SH2B1: variants seen among roughly 807,000 people sequenced by gnomAD.
SH2B1 encodes the protein SH2B adapter protein 1.
SH2B1 carries 15 observed loss-of-function variants against 62.6 expected under a neutral mutation model. The ratio of observed to expected loss-of-function variants is 0.24; its 90% CI spans 0.16 to 0.37. The LOEUF (loss-of-function observed/expected upper bound fraction) is 0.37, where lower values mean the gene tolerates loss of function less well. Ranked by LOEUF, SH2B1 falls within the 10% of genes least tolerant of loss-of-function variation. The pLI is 1.00. For synonymous variants in SH2B1, 443 were observed against 438.0 expected, an observed-to-expected ratio of 1.01 and a Z score of -0.14; for missense variants, 925 against 1,015.6, an observed-to-expected ratio of 0.91 and a Z score of 1.21.
chr16:28,864,395 T>C lies in SH2B1; in HGVS notation c.-1700T>C. ...TGCGGTGCGGAGGATTGGGTGGGCC[T>C]GTGTGAGCCGAGGTGGCCGCTGGCT... On this transcript the variant is annotated 5_prime_UTR_variant, in exon 1 of 8. Transcript: ENST00000684370. 1 of 987,364 alleles carries C rather than the reference T, an allele frequency of 1.0e-6. No individual in the cohort carries two copies. Among genetic ancestry groups the C allele is most frequent in the Non-Finnish European group, 1.2e-6 (1 of 830,990 alleles). 61.2% of individuals were successfully genotyped at this position (987,364 alleles called of 1,614,324 possible).
chr16:28,855,582 A>G (rs1003139344), intron 1 of SH2B1, among the ~76,000 whole-genome samples: 1 of 150,650 alleles, frequency 6.6e-6, no homozygotes, highest in Non-Finnish European at 1.5e-5. Context: ...TTATCTTACT[A>G]TTTTGCTTGT....
chr16:28,861,437 A>G (rs528244876), upstream of SH2B1, among the ~76,000 whole-genome samples: 2 of 123,968 alleles, frequency 1.6e-5, no homozygotes, highest in Non-Finnish European at 3.4e-5. Context: ...CCATCTTAGA[A>G]CATTTTTTTT....
intron 4 of SH2B1, among the ~76,000 whole-genome samples, chr16:28,870,772 C>A (rs1596630106): frequency 6.6e-6 from 1 of 152,062 alleles, no homozygotes; most frequent in Non-Finnish European, 1.5e-5. Context: ...CAGCCTTGAC[C>A]TCCCTGGCTC....
intron 1 of SH2B1, among the ~76,000 whole-genome samples, chr16:28,857,274 C>T (rs868738455): frequency 1.4e-4 from 21 of 148,056 alleles, no homozygotes; most frequent in Middle Eastern, 3.4e-3. Context: ...CAGAGTGACT[C>T]TGTCTCAAAA....
Position 28,872,313 on chromosome 16 carries a change from C to T in SH2B1, c.1637C>T (p.Thr546Ile), listed in dbSNP as rs764546280. 10 of 1,613,994 alleles carry T rather than the reference C, an allele frequency of 6.2e-6. No individual in the cohort carries two copies. Among genetic ancestry groups the T allele is most frequent in the Non-Finnish European group, 7.6e-6 (9 of 1,179,880 alleles). ...KAAQLVLTGGTGSHGVFLVRQ... is the reference protein window; with the variant it reads ...KAAQLVLTGGIGSHGVFLVRQ... ...GCACAGTTGGTGCTGACTGGCGGCACTGGCTCCCACGGTGTCTTCCTGGTG... is the reference window on the plus strand; with the variant it reads ...GCACAGTTGGTGCTGACTGGCGGCATTGGCTCCCACGGTGTCTTCCTGGTG... Residue 546 changes from threonine to isoleucine, a missense_variant, in exon 6 of 8, where the codon ACT (threonine) becomes ATT (isoleucine). Thr to Ile is a moderately conservative substitution (Grantham distance 89). Around this residue, in one of 3 missense-constraint regions of SH2B1, gnomAD observed 57 missense variants for 122.1 expected, o/e 0.47. Transcript: ENST00000684370. This position sits in a 1 kb window ranked among gnomAD's most constrained non-coding sequence, Gnocchi z 5.3.
intron 4 of SH2B1, among the ~76,000 whole-genome samples, 167 bp from the exon 5 acceptor site, chr16:28,871,613 A>G (rs1963040622): frequency 6.6e-6 from 1 of 152,164 alleles, no homozygotes; most frequent in South Asian, 2.1e-4. Context: ...AGGAAGCATC[A>G]GTTAGGAGCC....
chr16:28,865,588 A>G lies in SH2B1; in HGVS notation c.-507A>G. 1.0e-6 allele frequency: 1 copy of G among 985,930 alleles called. No individual in the cohort carries two copies. Among genetic ancestry groups the G allele is most frequent in the African/African-American group, 1.7e-5 (1 of 57,386 alleles). 61.1% of individuals were successfully genotyped at this position (985,930 alleles called of 1,614,324 possible). A position where few individuals can be genotyped will look rare whatever the true frequency, so the allele number is the denominator to read the frequency against. On this transcript the variant is annotated 5_prime_UTR_variant, in exon 1 of 8. Transcript: ENST00000684370. ...AACTTTTCTGAGCTTCGGTTTCCTC[A>G]TCTGTTCGAGAGGTCTTTGAAACCT...
At chr16:28,856,614 G>C (rs987415382) in intron 1 of SH2B1, among the ~76,000 whole-genome samples, 4 of 152,116 alleles carry the variant, frequency 2.6e-5, no homozygotes, top group Non-Finnish European at 4.4e-5. Flanking sequence ...CAGGAACTTA[G>C]TGGCACATTA....
rs370851725 is a variant in SH2B1 at position 28,872,221 on chromosome 16, C to T, written c.1545C>T (p.Gly515=). The change falls in exon 6 of 8, where the codon GGC becomes GGT. Residue 515 remains glycine, a synonymous_variant. Coordinates refer to ENST00000684370, the MANE Select transcript of SH2B1 (RefSeq NM_001387430.1). This position sits in a 1 kb window ranked among gnomAD's most constrained non-coding sequence, Gnocchi z 5.3. ...TCCTGTTCCAGGGGGAGCCAGAGGGCGGTGAGGGGGACCAGCCCCTCTCAG... is the reference window on the plus strand; with the variant it reads ...TCCTGTTCCAGGGGGAGCCAGAGGGTGGTGAGGGGGACCAGCCCCTCTCAG... ...GSFLFQGEPE[G]GEGDQPLSGY... 9.9e-6 allele frequency: 16 copies of T among 1,613,578 alleles called. No homozygotes were observed. The highest frequency in any genetic ancestry group is 3.3e-5 in the South Asian group (3 of 91,060).
chr16:28,848,165 G>C (rs1189421039), intron 1 of SH2B1, among the ~76,000 whole-genome samples: 1 of 151,942 alleles, frequency 6.6e-6, no homozygotes, highest in South Asian at 2.1e-4. Context: ...TTGGCCAGGC[G>C]TGGTGGCTCA....
intron 1 of SH2B1, among the ~76,000 whole-genome samples, chr16:28,852,293 TATATATTTAC>T (rs1179558878): frequency 4.3e-5 from 4 of 93,350 alleles, no homozygotes; most frequent in African/African-American, 1.8e-4. Flanking sequence ...TATTTACATA[TATATATTTAC>T]ATATATATAT....
rs1355653845 is a variant in SH2B1 at position 28,866,154 on chromosome 16, A to G, written c.60A>G (p.Pro20=). ...CCCCCTCGTCTCCCCCGCTGCCCCC[A>G]CCCCCGCCCCCTAGTTGGCGGGAGT... ...GASPSSPPLP[P]PPPPSWREFC... The change falls in exon 1 of 8, where the codon CCA becomes CCG. Residue 20 remains proline (P), a synonymous_variant. Transcript: ENST00000684370. The surrounding 1 kb of genome is among the most constrained non-coding windows in gnomAD (Gnocchi z 6.3). 2.1e-6 allele frequency: 2 copies of G among 960,446 alleles called. No homozygotes were observed. Among genetic ancestry groups the G allele is most frequent in the African/African-American group, 2.7e-5 (1 of 37,518 alleles). 59.5% of individuals were successfully genotyped at this position (960,446 alleles called of 1,614,324 possible). A position where few individuals can be genotyped will look rare whatever the true frequency, so the allele number is the denominator to read the frequency against.
chr16:28,872,196 T>C lies in SH2B1; in HGVS notation c.1520T>C (p.Phe507Ser), dbSNP rs767866293. The C allele has an allele frequency of 6.2e-7, 1 of 1,612,932 alleles. No individual in the cohort carries two copies. Among genetic ancestry groups the C allele is most frequent in the East Asian group, 2.2e-5 (1 of 44,852 alleles). ...LDTPETATGSFLFQGEPEGGE... is the reference protein window; with the variant it reads ...LDTPETATGSSLFQGEPEGGE... ...CCCTCTCTCCTTCCTGAAGGGTCCT[T>C]CCTGTTCCAGGGGGAGCCAGAGGGC... is the stretch of plus-strand genomic sequence containing the variant. The change falls in exon 6 of 8, where the codon TTC (phenylalanine) becomes TCC (serine). Residue 507 changes from phenylalanine (F) to serine (S), a missense_variant. Coordinates refer to ENST00000684370, the MANE Select transcript of SH2B1 (RefSeq NM_001387430.1). The surrounding 1 kb of genome is among the most constrained non-coding windows in gnomAD (Gnocchi z 5.3).
chr16:28,873,717 CG>C lies in SH2B1; in HGVS notation c.2173del (p.Val725CysfsTer12), dbSNP rs1453572913. 4.0e-6 allele frequency: 6 copies of C among 1,498,160 alleles called. No individual in the cohort carries two copies. Among genetic ancestry groups the C allele is most frequent in the Non-Finnish European group, 5.3e-6 (6 of 1,122,158 alleles). The allele number at this position is 1,498,160 out of a possible 1,614,324, so 92.8% of individuals were successfully genotyped here. On this transcript the variant is annotated frameshift_variant, in exon 8 of 8. Coordinates refer to ENST00000684370, the MANE Select transcript of SH2B1 (RefSeq NM_001387430.1). LOFTEE classifies it high-confidence loss of function. The surrounding 1 kb of genome is among the most constrained non-coding windows in gnomAD (Gnocchi z 4.2). ...CAGGGCGCTGGGTCTGGTGGGGACG[CG>C]GGGGTGCCCCCAATGGTGCAGCTGC... ...EAQGAGSGGD[A>X]GVPPMVQLQQ...
chr16:28,859,086 C>T (rs186888703), upstream of SH2B1, among the ~76,000 whole-genome samples: 83 of 152,068 alleles, frequency 5.5e-4, no homozygotes, highest in African/African-American at 1.1e-3. Context: ...GGATTACAGG[C>T]ATGGACCACC....
Position 28,866,587 on chromosome 16 carries a change from T to G in SH2B1, c.493T>G (p.Ser165Ala). ...LRSVGRSVRG[S>A]VRGILQWRGT... ...TTCAGTGGGTCGCTCTGTCCGAGGC[T>G]CAGTCCGTGGCATCCTGCAGTGGCG... The change falls in exon 1 of 8, where the codon TCA becomes GCA. Residue 165 changes from serine (S) to alanine (A), a missense_variant. Ser to Ala is a moderately conservative substitution (Grantham distance 99, BLOSUM62 1). Around this residue, in one of 3 missense-constraint regions of SH2B1, gnomAD observed 683 missense variants for 704.0 expected, o/e 0.97. Transcript: ENST00000684370. This position sits in a 1 kb window ranked among gnomAD's most constrained non-coding sequence, Gnocchi z 6.3. 1.2e-6 allele frequency: 2 copies of G among 1,613,986 alleles called. No homozygotes were observed. Among genetic ancestry groups the G allele is most frequent in the Non-Finnish European group, 1.7e-6 (2 of 1,180,000 alleles).
At chr16:28,856,290 CCA>C (rs1231988124) in intron 1 of SH2B1, among the ~76,000 whole-genome samples, 3 of 144,606 alleles carry the variant, frequency 2.1e-5, no homozygotes, top group South Asian at 4.3e-4. Flanking sequence ...AAAAAAAAAA[CCA>C]CACACACACA....
Position 28,865,598 on chromosome 16 carries a change from G to A in SH2B1, c.-497G>A. On this transcript the variant is annotated 5_prime_UTR_variant, in exon 1 of 8. Transcript: ENST00000684370. ...AGCTTCGGTTTCCTCATCTGTTCGA[G>A]AGGTCTTTGAAACCTCTCAGGGAAA... 4 of 986,430 alleles carry A rather than the reference G, an allele frequency of 4.1e-6. No individual in the cohort carries two copies. Among genetic ancestry groups the A allele is most frequent in the Non-Finnish European group, 4.8e-6 (4 of 830,654 alleles). 61.1% of individuals were successfully genotyped at this position (986,430 alleles called of 1,614,324 possible).
rs371108301 is a variant in SH2B1, at chr16:28,851,591, T to C, written c.-301+4764T>C. On this transcript the variant is annotated intron_variant, in intron 1 of 10. Transcript: ENST00000322610. Reference sequence around the variant, plus strand: ...TCTCCTCCTGCCTCACCCTCCCAAGTAGCTGGGATTCCAGGCGCCTGCCAC... The same window carrying C: ...TCTCCTCCTGCCTCACCCTCCCAAGCAGCTGGGATTCCAGGCGCCTGCCAC... Among the ~76,000 whole-genome samples the C allele has an allele frequency of 2.1e-4, 31 of 150,864 alleles. 3 individuals carry two copies. The highest frequency in any genetic ancestry group is 1.7e-3 in the Admixed American group (25 of 15,138).
Sources: allele counts gnomAD v4.1 joint callset (sites outside exome capture counted in the v4.1 genomes callset), GRCh38; gene constraint gnomAD v4.1.1; regional missense constraint gnomAD v4.1.1; non-coding constraint Gnocchi (gnomAD v3.1); transcripts MANE v1.5; gene names NCBI Gene and HGNC (gene_info 2026-07-23, HGNC 2026-07-21).